The following OTOGL variants were observed in gnomAD, a reference collection of about 807,000 sequenced individuals.
OTOGL encodes otogelin like, also known as otogelin-like protein.
A neutral mutation model predicts 318.5 loss-of-function variants in OTOGL; 285 were observed. That is an observed-to-expected ratio of 0.89 (90% CI 0.81 to 0.99). The LOEUF (loss-of-function observed/expected upper bound fraction) is 0.99, where lower values mean the gene tolerates loss of function less well. Among genes scored for constraint, OTOGL ranks in the 50% least tolerant of loss-of-function variants. The pLI is 0.00. For synonymous variants in OTOGL, 987 were observed against 936.5 expected, an observed-to-expected ratio of 1.05 and a Z score of -0.99; for missense variants, 2,899 against 2,845.6, an observed-to-expected ratio of 1.02 and a Z score of -0.43.
At chr12:80,233,326 T>G (rs1879548405) in intron 9 of OTOGL, among the ~76,000 whole-genome samples, 2 of 152,208 alleles carry the variant, frequency 1.3e-5, no homozygotes, top group African/African-American at 2.4e-5. Flanking sequence ...CTTACTCACA[T>G]AACACATTTT....
intron 48 of OTOGL, 116 bp from the exon 49 acceptor site, chr12:80,356,691 T>C: frequency 1.5e-6 from 1 of 647,926 alleles, no homozygotes; most frequent in South Asian, 3.3e-5. Context: ...TGTATATATA[T>C]ATATGATTAA....
chr12:80,261,209 G>A (rs1464651693), intron 18 of OTOGL, among the ~76,000 whole-genome samples: 2 of 152,150 alleles, frequency 1.3e-5, no homozygotes, highest in Non-Finnish European at 2.9e-5. Flanking sequence ...GGATTGTGGT[G>A]TGGTCAAAAA....
chr12:80,205,719 G>A (rs1876764885), intron 1 of OTOGL, among the ~76,000 whole-genome samples: 4 of 152,160 alleles, frequency 2.6e-5, no homozygotes, highest in Admixed American at 2.6e-4. Flanking sequence ...CAAGTAAAGA[G>A]TATTTGCATT....
intron 44 of OTOGL, among the ~76,000 whole-genome samples, chr12:80,342,384 A>G (rs889107342): frequency 6.6e-6 from 1 of 152,086 alleles, no homozygotes; most frequent in Non-Finnish European, 1.5e-5. Context: ...AATTATATCT[A>G]CAGCTTTCAG....
chr12:80,329,574 C>T (rs977949979), intron 37 of OTOGL, among the ~76,000 whole-genome samples: 3 of 152,188 alleles, frequency 2.0e-5, no homozygotes, highest in Admixed American at 6.5e-5. Context: ...TTCTTTATTG[C>T]TTCCATTTCC....
intron 32 of OTOGL, among the ~76,000 whole-genome samples, chr12:80,314,988 C>A (rs1886877272): frequency 6.6e-6 from 1 of 152,068 alleles, no homozygotes; most frequent in Non-Finnish European, 1.5e-5. Flanking sequence ...GAGACAAATA[C>A]CATATGATTT....
intron 1 of OTOGL, among the ~76,000 whole-genome samples, chr12:80,160,553 A>C (rs1873439890): frequency 6.6e-6 from 1 of 152,164 alleles, no homozygotes; most frequent in Non-Finnish European, 1.5e-5. Context: ...CTCCTGCATG[A>C]ATAGCCATAA....
intron 32 of OTOGL, among the ~76,000 whole-genome samples, chr12:80,318,232 GTTA>G (rs1887094224): frequency 6.6e-6 from 1 of 152,150 alleles, no homozygotes; most frequent in South Asian, 2.1e-4. Context: ...CATGTATTGA[GTTA>G]AATTGGCTTT....
intron 20 of OTOGL, 127 bp from the exon 21 acceptor site, chr12:80,266,324 A>T: frequency 1.0e-6 from 1 of 963,990 alleles, no homozygotes; most frequent in Non-Finnish European, 1.5e-6. Context: ...CATCCAAGTT[A>T]AGGGTCTCCC....
At chr12:80,368,916 C>T (rs552605684) in intron 55 of OTOGL, among the ~76,000 whole-genome samples, 1 of 150,170 alleles carries the variant, frequency 6.7e-6, no homozygotes, top group African/African-American at 2.4e-5. Flanking sequence ...TAATCTATTA[C>T]AGAGATAGAA....
chr12:80,131,603 A>T (rs1480855598), intron 1 of OTOGL, among the ~76,000 whole-genome samples: 1 of 152,190 alleles, frequency 6.6e-6, no homozygotes, highest in Non-Finnish European at 1.5e-5. Flanking sequence ...ACTGACATTT[A>T]CTGCATATTT....
In OTOGL at chr12:80,108,860, GTA is replaced by G. The variant is rs535352301; in HGVS notation, c.-20+9263_-20+9264del. On this transcript the variant is annotated intron_variant, in intron 1 of 58. Transcript: ENST00000547103. ...TGTATATATATGTGTATATATATGTGTATATATATGTGTATATATGTGTATAT... is the reference window on the plus strand; with the variant it reads ...TGTATATATATGTGTATATATATGTGTATATATGTGTATATATGTGTATAT... 4.0e-3 allele frequency among the ~76,000 whole-genome samples: 544 copies of G among 137,288 alleles called. 7 individuals are homozygous for G. The highest frequency in any genetic ancestry group is 0.016 in the Middle Eastern group (4 of 256). 90.1% of individuals were successfully genotyped at this position (137,288 alleles called of 152,430 possible).
chr12:80,367,483 T>G, intron 53 of OTOGL, 78 bp from the exon 54 acceptor site: 1 of 1,150,232 alleles, frequency 8.7e-7, no homozygotes, highest in Non-Finnish European at 1.2e-6. Flanking sequence ...AAACATAGAC[T>G]CAAATATAAG....
Position 80,336,048 on chromosome 12 carries a change from GC to G in OTOGL, c.4511del (p.Pro1504GlnfsTer18). 6.3e-7 allele frequency: 1 copy of G among 1,598,728 alleles called. No individual in the cohort carries two copies. The highest frequency in any genetic ancestry group is 8.5e-7 in the Non-Finnish European group (1 of 1,179,390). Reference protein sequence around the residue: ...EWQLYNWSLNCPKDVEMPDCG... With the variant: ...EWQLYNWSLNXPKDVEMPDCG... ...CAGTTATACAACTGGTCCCTTAATT[GC>G]CCAAAGGACGTGGAAATGCCTGACT... On this transcript the variant is annotated frameshift_variant, in exon 39 of 59. Coordinates refer to ENST00000547103, the MANE Select transcript of OTOGL (RefSeq NM_001378609.3). LOFTEE classifies it high-confidence loss of function.
chr12:80,235,119 C>T (rs1048950469), intron 9 of OTOGL, among the ~76,000 whole-genome samples: 11 of 149,582 alleles, frequency 7.4e-5, no homozygotes, highest in East Asian at 2.0e-4. Flanking sequence ...CAAAGCTTCA[C>T]GAAAAAAAAA....
chr12:80,168,343 A>G (rs905725202), intron 1 of OTOGL, among the ~76,000 whole-genome samples: 4 of 152,162 alleles, frequency 2.6e-5, no homozygotes, highest in Admixed American at 6.6e-5. Context: ...CTTTCACTCT[A>G]TAAGATATTT....
rs60946323 is a variant in OTOGL, at chr12:80,379,750, C to A, written c.*1702C>A. 454 of 151,932 alleles carry A rather than the reference C, an allele frequency of 3.0e-3. 4 individuals are homozygous for A. The highest frequency in any genetic ancestry group is 0.011 in the African/African-American group (441 of 41,494). The allele number at this position is 151,932 out of a possible 1,614,324, so 9.4% of individuals were successfully genotyped here. A position where few individuals can be genotyped will look rare whatever the true frequency, so the allele number is the denominator to read the frequency against. On this transcript the variant is annotated 3_prime_UTR_variant, in exon 59 of 59. Transcript: ENST00000547103. ...TTAAAAATATTAAGTAATCTTTAAA[C>A]CTATTTGTGGAGAAATGGGAAACAT...
chr12:80,233,500 T>C (rs190438796), intron 9 of OTOGL, among the ~76,000 whole-genome samples: 1 of 152,340 alleles, frequency 6.6e-6, no homozygotes, highest in Admixed American at 6.5e-5. Context: ...CAAAAACTAT[T>C]TTTGTATCCC....
chr12:80,161,297 G>T (rs1446376373), intron 1 of OTOGL, among the ~76,000 whole-genome samples: 1 of 151,892 alleles, frequency 6.6e-6, no homozygotes, highest in Non-Finnish European at 1.5e-5. Context: ...AATGAGAGAC[G>T]TGGAAAAACT....
Sources: gnomAD v4.1 joint callset for allele counts (sites outside exome capture counted in the v4.1 genomes callset) on GRCh38, gnomAD v4.1.1 for gene constraint, MANE v1.5 for transcripts, NCBI Gene and HGNC (gene_info 2026-07-23, HGNC 2026-07-21) for gene names.